RBMS3: variants seen among roughly 807,000 people sequenced by gnomAD.
The protein encoded by RBMS3 is RNA binding motif single stranded interacting protein 3.
RBMS3 carries 27 observed loss-of-function variants against 66.8 expected under a neutral mutation model. The observed-to-expected ratio is 0.40, with a 90% CI of 0.30 to 0.56. The LOEUF is 0.56. Among genes scored for constraint, RBMS3 ranks in the 20% least tolerant of loss-of-function variants. The pLI is 0.40. For missense variants in RBMS3, 513 were observed against 549.5 expected (o/e 0.93, Z 0.66); for synonymous variants, 188 against 183.0 (o/e 1.03, Z -0.22).
intron 10 of RBMS3, among the ~76,000 whole-genome samples, chr3:29,912,692 G>A (rs1352285284): frequency 6.6e-6 from 1 of 151,986 alleles, no homozygotes; most frequent in Non-Finnish European, 1.5e-5. Context: ...CTGAAGAAAT[G>A]TATAGGGCAA....
intron 12 of RBMS3, among the ~76,000 whole-genome samples, chr3:29,964,918 T>C (rs1204417779): frequency 6.6e-6 from 1 of 152,140 alleles, no homozygotes; most frequent in Non-Finnish European, 1.5e-5. Flanking sequence ...ATCATTCTTA[T>C]GCCTTTTTGT....
chr3:29,441,761 C>T (rs1043614677), intron 2 of RBMS3, among the ~76,000 whole-genome samples: 1 of 152,164 alleles, frequency 6.6e-6, no homozygotes, highest in Non-Finnish European at 1.5e-5. Flanking sequence ...AAAGCCTGCT[C>T]AGATAATTCT....
At chr3:29,784,232 C>T (rs2056741570) in intron 6 of RBMS3, among the ~76,000 whole-genome samples, 1 of 152,096 alleles carries the variant, frequency 6.6e-6, no homozygotes, top group Non-Finnish European at 1.5e-5. Context: ...TACCGAACAA[C>T]TGCAGAATAT....
chr3:29,791,577 G>T (rs181768874), intron 6 of RBMS3, among the ~76,000 whole-genome samples: 4 of 152,242 alleles, frequency 2.6e-5, no homozygotes, highest in East Asian at 3.9e-4. Flanking sequence ...ATAAGGAATA[G>T]ATTTTACTGT....
rs201466662 is a variant in RBMS3, at chr3:29,620,707, G to GA, written c.399+33511dup. On this transcript the variant is annotated intron_variant, in intron 4 of 14. Coordinates refer to ENST00000383767, the MANE Select transcript of RBMS3 (RefSeq NM_001003793.3). ...CCTCTAAAGAAATTTCACTTACAGA[G>GA]AAAAAAAAATGTGTCTAATTAACTT... Among the ~76,000 whole-genome samples, 1,213 of 150,604 alleles carry GA rather than the reference G, an allele frequency of 8.1e-3. 15 individuals carry two copies. The highest frequency in any genetic ancestry group is 0.028 in the African/African-American group (1,152 of 41,132).
chr3:29,647,937 A>G (rs2049995296), intron 4 of RBMS3, among the ~76,000 whole-genome samples: 2 of 152,180 alleles, frequency 1.3e-5, no homozygotes, highest in African/African-American at 4.8e-5. Flanking sequence ...TGAATGAAAA[A>G]TCATACAGAG....
intron 1 of RBMS3, among the ~76,000 whole-genome samples, chr3:29,371,532 C>A (rs535483391): frequency 6.6e-6 from 1 of 152,248 alleles, no homozygotes; most frequent in Non-Finnish European, 1.5e-5. Flanking sequence ...GGACACCATG[C>A]ACCAATAACC....
At chr3:29,333,701 G>A (rs967401182) in intron 1 of RBMS3, among the ~76,000 whole-genome samples, 14 of 152,264 alleles carry the variant, frequency 9.2e-5, no homozygotes, top group African/African-American at 3.1e-4. Context: ...CTGTGTCTCC[G>A]TTGCAGCAGT....
chr3:29,473,496 G>T (rs751073192), intron 2 of RBMS3, among the ~76,000 whole-genome samples: 1 of 152,196 alleles, frequency 6.6e-6, no homozygotes, highest in African/African-American at 2.4e-5. Context: ...GTCCCGCGCC[G>T]TGCGCCTGCA....
At chr3:29,495,424 T>C (rs2043707570) in intron 3 of RBMS3, among the ~76,000 whole-genome samples, 1 of 148,182 alleles carries the variant, frequency 6.7e-6, no homozygotes, top group African/African-American at 2.5e-5. Flanking sequence ...TTTCTTTTTT[T>C]TTTTTTTTTT....
chr3:29,652,349 A>G (rs948895988), intron 4 of RBMS3, among the ~76,000 whole-genome samples: 1 of 152,100 alleles, frequency 6.6e-6, no homozygotes, highest in Admixed American at 6.6e-5. Flanking sequence ...TAAAAAACTC[A>G]TATAAATAAC....
rs759435190 is a variant in RBMS3 at position 29,482,701 on chromosome 3, C to CTTTCTTTCT, written c.249-5737_249-5736insCTTTCTTTT. On this transcript the variant is annotated intron_variant, in intron 2 of 14. Coordinates refer to ENST00000383767, the MANE Select transcript of RBMS3 (RefSeq NM_001003793.3). ...AGTCTACCATTTTCTTTCTTTCTTT[C>CTTTCTTTCT]TTTTTTTTTTTTTTTTTTTTTTTTG... Among the ~76,000 whole-genome samples, 186 of 77,500 alleles carry CTTTCTTTCT rather than the reference C, an allele frequency of 2.4e-3. 1 individual carries two copies. The highest frequency in any genetic ancestry group is 0.012 in the Middle Eastern group (1 of 84). The allele number at this position is 77,500 out of a possible 152,430, so 50.8% of individuals were successfully genotyped here.
chr3:29,686,790 A>C (rs546493032), intron 4 of RBMS3, among the ~76,000 whole-genome samples: 18 of 152,246 alleles, frequency 1.2e-4, no homozygotes, highest in Admixed American at 1.2e-3. Flanking sequence ...ATCTTGGTAC[A>C]TATAAACTCT....
rs140493714 is a variant in RBMS3, at chr3:29,802,107, C to G, written c.637+39118C>G. Among the ~76,000 whole-genome samples the G allele has an allele frequency of 1.2e-4, 18 of 152,242 alleles. No homozygotes were observed. In the East Asian group the frequency reaches 3.3e-3, roughly 28 times the overall value. The stretch of plus-strand genomic sequence containing the variant: ...TAGTCCTGGAAAGTTTGCTTATTTT[C>G]TCTGGTGTTTTTGTACCTGTAACAC... On this transcript the variant is annotated intron_variant, in intron 6 of 14. Coordinates refer to ENST00000383767, the MANE Select transcript of RBMS3 (RefSeq NM_001003793.3).
chr3:30,003,554 G>A (rs1699704780), intron 14 of RBMS3, among the ~76,000 whole-genome samples: 2 of 152,020 alleles, frequency 1.3e-5, no homozygotes, highest in Admixed American at 1.3e-4. Flanking sequence ...GCTGGAATTA[G>A]TGATGATTCC....
intron 12 of RBMS3, among the ~76,000 whole-genome samples, chr3:29,981,135 A>T (rs569208700): frequency 6.6e-6 from 1 of 152,264 alleles, no homozygotes; most frequent in Admixed American, 6.5e-5. Flanking sequence ...GTTCTCCTTG[A>T]AATGATCCTT....
chr3:29,766,368 C>T (rs1316451537), intron 6 of RBMS3: 2 of 151,916 alleles, frequency 1.3e-5, no homozygotes, highest in Non-Finnish European at 2.9e-5. Context: ...GTTGACATTG[C>T]TCTGAATTTC....
intron 10 of RBMS3, chr3:29,903,281 G>C (rs1040784938): frequency 5.3e-5 from 8 of 152,020 alleles, no homozygotes; most frequent in Middle Eastern, 6.8e-3. Context: ...AGAATCAAGA[G>C]CATTTCTGTT....
intron 7 of RBMS3, among the ~76,000 whole-genome samples, chr3:29,870,622 C>T (rs565832436): frequency 4.1e-4 from 63 of 152,236 alleles, no homozygotes; most frequent in Admixed American, 1.0e-3. Context: ...TAAGACTTTG[C>T]TTCAAAGCAT....
Sources: allele counts gnomAD v4.1 joint callset (sites outside exome capture counted in the v4.1 genomes callset), GRCh38; gene constraint gnomAD v4.1.1; transcripts MANE v1.5; gene names NCBI Gene and HGNC (gene_info 2026-07-23, HGNC 2026-07-21).